FAM193A: variants seen among roughly 807,000 people sequenced by gnomAD.
The protein encoded by FAM193A is protein FAM193A.
FAM193A carries 22 observed loss-of-function variants against 126.5 expected under a neutral mutation model. The observed-to-expected ratio is 0.17, with a 90% CI of 0.12 to 0.25. The LOEUF (loss-of-function observed/expected upper bound fraction) is 0.25. Among genes scored for constraint, FAM193A ranks in the 10% least tolerant of loss-of-function variants. The pLI is 1.00. For missense variants in FAM193A, 1,675 were observed against 1,672.8 expected, an observed-to-expected ratio of 1.00 and a Z score of -0.02; for synonymous variants, 761 against 646.8, an observed-to-expected ratio of 1.18 and a Z score of -2.68.
chr4:2,695,087 G>A lies in FAM193A; in HGVS notation c.3234G>A (p.Lys1078=). The A allele has an allele frequency of 6.2e-7, 1 of 1,606,824 alleles. No individual in the cohort carries two copies. Among genetic ancestry groups the A allele is most frequent in the African/African-American group, 1.3e-5 (1 of 74,752 alleles). Residue 1078 remains lysine, a synonymous_variant, in exon 17 of 21, where the codon AAG becomes AAA. Transcript: ENST00000637812. ...CCTCCACCAACCAGAAGGAGGGCAAGTACTGCGACTGCTGCTACTGCGAAT... is the reference window on the plus strand; with the variant it reads ...CCTCCACCAACCAGAAGGAGGGCAAATACTGCGACTGCTGCTACTGCGAAT... ...TSTSTNQKEG[K]YCDCCYCEFF...
At chr4:2,633,669 A>G (rs555246671) in intron 5 of FAM193A, among the ~76,000 whole-genome samples, 54 of 152,090 alleles carry the variant, frequency 3.6e-4, no homozygotes, top group Middle Eastern at 3.4e-3. Flanking sequence ...AGGTGGTTGG[A>G]TCACCTGAGG....
chr4:2,674,256 G>A (rs1481860571), intron 13 of FAM193A, among the ~76,000 whole-genome samples: 2 of 152,204 alleles, frequency 1.3e-5, no homozygotes, highest in Non-Finnish European at 2.9e-5. Context: ...TACAAGATTA[G>A]TTTGTGTTAT....
intron 12 of FAM193A, among the ~76,000 whole-genome samples, chr4:2,667,880 GAAAC>G (rs917964827): frequency 1.3e-5 from 2 of 151,982 alleles, no homozygotes; most frequent in Non-Finnish European, 2.9e-5. Context: ...AAAATAAAAA[GAAAC>G]AAAAATTAAA....
At chr4:2,615,381 CTCTG>C (rs1346271893) in intron 2 of FAM193A, among the ~76,000 whole-genome samples, 21 of 152,174 alleles carry the variant, frequency 1.4e-4, no homozygotes, top group Non-Finnish European at 1.5e-5. Flanking sequence ...ATCTATAAAT[CTCTG>C]TCTAAGCATT....
At chr4:2,639,511 G>A (rs1744399082) in intron 5 of FAM193A, among the ~76,000 whole-genome samples, 1 of 152,016 alleles carries the variant, frequency 6.6e-6, no homozygotes, top group African/African-American at 2.4e-5. Context: ...TTAGAGGGGA[G>A]ATGTGCTGAA....
chr4:2,651,869 C>G (rs1745703433), intron 7 of FAM193A, among the ~76,000 whole-genome samples: 3 of 152,144 alleles, frequency 2.0e-5, no homozygotes, highest in African/African-American at 7.2e-5. Context: ...TCAGCTCGTC[C>G]CAGACAGCCC....
chr4:2,699,870 G>T lies in FAM193A; in HGVS notation c.3698G>T (p.Ser1233Ile). ...AAAAAGAAGAAGAAGGAGAGGCCAA[G>T]TAAAGACTGCCCCAAGTTGGACATG... ...AVKKKKKERP[S>I]KDCPKLDMLT... is the part of the protein sequence containing the mutation. Residue 1233 changes from serine to isoleucine, a missense_variant, in exon 19 of 21, where the codon AGT (serine) becomes ATT (isoleucine). Coordinates refer to ENST00000637812, the MANE Select transcript of FAM193A (RefSeq NM_001366318.2). 1 of 1,614,026 alleles carries T rather than the reference G, an allele frequency of 6.2e-7. No homozygotes were observed. Among genetic ancestry groups the T allele is most frequent in the Non-Finnish European group, 8.5e-7 (1 of 1,179,990 alleles).
intron 2 of FAM193A, among the ~76,000 whole-genome samples, chr4:2,622,763 G>A (rs1260676732): frequency 1.3e-5 from 2 of 152,040 alleles, no homozygotes; most frequent in Non-Finnish European, 2.9e-5. Flanking sequence ...GCTCTCTGGG[G>A]CCTTCTTTAT....
rs1736902255 is a variant in FAM193A, at chr4:2,536,808, C to G, written c.-108C>G. ...CGCGACCCCGCGCAGCGCCCCCCGGCTGGCCGGAGCGCCCGCCGCCGCGGC... is the reference window on the plus strand; with the variant it reads ...CGCGACCCCGCGCAGCGCCCCCCGGGTGGCCGGAGCGCCCGCCGCCGCGGC... On this transcript the variant is annotated 5_prime_UTR_variant, in exon 1 of 21. Coordinates refer to ENST00000637812, the MANE Select transcript of FAM193A (RefSeq NM_001366318.2). The G allele has an allele frequency of 6.8e-6, 1 of 147,364 alleles. No individual in the cohort carries two copies. Among genetic ancestry groups the G allele is most frequent in the Admixed American group, 6.8e-5 (1 of 14,720 alleles). The allele number at this position is 147,364 out of a possible 1,614,324, so 9.1% of individuals were successfully genotyped here.
In FAM193A at chr4:2,626,519, G is replaced by C; in HGVS notation, c.745G>C (p.Asp249His). The change falls in exon 4 of 21, where the codon GAT becomes CAT. Residue 249 changes from aspartate to histidine, a missense_variant. Asp to His is a moderately conservative substitution (Grantham distance 81). Coordinates refer to ENST00000637812, the MANE Select transcript of FAM193A (RefSeq NM_001366318.2). ...IYRQAGTPLA[D>H]DQDQSLVPDK... ...CCGCCAGGCAGGAACCCCGCTGGCA[G>C]ATGACCAGGACCAGTCTCTGGTGCC... The C allele has an allele frequency of 1.4e-6, 1 of 702,444 alleles. No individual in the cohort carries two copies. The highest frequency in any genetic ancestry group is 1.5e-5 in the South Asian group (1 of 67,562). 43.5% of individuals were successfully genotyped at this position (702,444 alleles called of 1,614,324 possible).
At chr4:2,562,299 A>C (rs1370556697) in intron 1 of FAM193A, among the ~76,000 whole-genome samples, 1 of 152,032 alleles carries the variant, frequency 6.6e-6, no homozygotes, top group African/African-American at 2.4e-5. Context: ...AAATATAGAA[A>C]AAATCAGCTG....
intron 13 of FAM193A, among the ~76,000 whole-genome samples, chr4:2,681,582 T>A (rs1345617400): frequency 6.6e-6 from 1 of 151,808 alleles, no homozygotes; most frequent in African/African-American, 2.4e-5. Context: ...TCTCGTAGCT[T>A]GGACTACAGG....
intron 20 of FAM193A, among the ~76,000 whole-genome samples, chr4:2,723,883 C>T (rs1720440030): frequency 6.6e-6 from 1 of 152,134 alleles, no homozygotes; most frequent in South Asian, 2.1e-4. Flanking sequence ...CTCACTGCAG[C>T]CTTGACCACC....
chr4:2,700,057 T>C lies in FAM193A; in HGVS notation c.3885T>C (p.Asp1295=). ...GGCCAGGGCTAGGGGCTGATGGGGA[T>C]GCTGCAGACCCCGTCGACACCAGAG... is the stretch of plus-strand genomic sequence containing the variant. ...EPRPGLGADG[D]AADPVDTRDS... The change falls in exon 19 of 21, where the codon GAT becomes GAC. Residue 1295 remains aspartate, a synonymous_variant. Coordinates refer to ENST00000637812, the MANE Select transcript of FAM193A (RefSeq NM_001366318.2). 1 of 1,613,852 alleles carries C rather than the reference T, an allele frequency of 6.2e-7. No individual in the cohort carries two copies. Among genetic ancestry groups the C allele is most frequent in the Non-Finnish European group, 8.5e-7 (1 of 1,179,982 alleles).
Position 2,693,859 on chromosome 4 carries a change from C to T in FAM193A, c.3077C>T (p.Pro1026Leu). The change falls in exon 16 of 21, where the codon CCT becomes CTT. Residue 1026 changes from proline (P) to leucine (L), a missense_variant. Physicochemically the swap from Pro to Leu is moderately conservative, Grantham distance 98. Around this residue, in one of 4 missense-constraint regions of FAM193A, gnomAD observed 1,186 missense variants for 1,109.2 expected, o/e 1.07. Coordinates refer to ENST00000637812, the MANE Select transcript of FAM193A (RefSeq NM_001366318.2). ...PPATDGSISA[P>L]PSVCSDPDCE... ...GCCACAGATGGCTCCATTAGCGCCC[C>T]TCCAAGTGTCTGCAGGTGAGCCAAG... is the stretch of plus-strand genomic sequence containing the variant. The T allele has an allele frequency of 6.8e-6, 11 of 1,613,504 alleles. No individual in the cohort carries two copies. Among genetic ancestry groups the T allele is most frequent in the Non-Finnish European group, 9.3e-6 (11 of 1,179,486 alleles).
At chr4:2,673,405 C>T (rs904685413) in intron 13 of FAM193A, among the ~76,000 whole-genome samples, 10 of 152,100 alleles carry the variant, frequency 6.6e-5, no homozygotes, top group Admixed American at 6.6e-4. Flanking sequence ...GGTTTGTTGT[C>T]TCTTTGCTAG....
chr4:2,618,705 C>T (rs1171642379), intron 2 of FAM193A, among the ~76,000 whole-genome samples: 1 of 150,206 alleles, frequency 6.7e-6, no homozygotes, highest in Non-Finnish European at 1.5e-5. Flanking sequence ...AAGTGATTCT[C>T]CTGCCCCAGC....
chr4:2,602,704 A>G (rs895133737), intron 2 of FAM193A, among the ~76,000 whole-genome samples: 5 of 152,128 alleles, frequency 3.3e-5, no homozygotes, highest in African/African-American at 1.2e-4. Context: ...TCTGTTGCCC[A>G]GGCTGGAGTG....
intron 2 of FAM193A, among the ~76,000 whole-genome samples, chr4:2,608,362 A>G (rs890489120): frequency 6.6e-6 from 1 of 151,932 alleles, no homozygotes; most frequent in African/African-American, 2.4e-5. Context: ...TATTTTTAAT[A>G]TAGACGGGGT....
Sources: allele counts gnomAD v4.1 joint callset (sites outside exome capture counted in the v4.1 genomes callset), GRCh38; gene constraint gnomAD v4.1.1; regional missense constraint gnomAD v4.1.1; transcripts MANE v1.5; gene names NCBI Gene and HGNC (gene_info 2026-07-23, HGNC 2026-07-21).